DNAJB6: variants seen among roughly 807,000 people sequenced by gnomAD.
DNAJB6 encodes the protein dnaJ homolog subfamily B member 6.
Under a neutral mutation model 42.7 loss-of-function variants are expected in DNAJB6, and 16 were observed. The ratio of observed to expected loss-of-function variants is 0.37; its 90% CI spans 0.25 to 0.57. The LOEUF (loss-of-function observed/expected upper bound fraction) is 0.57, where lower values mean the gene tolerates loss of function less well. Ranked by LOEUF, DNAJB6 falls within the 20% of genes least tolerant of loss-of-function variation. The pLI is 0.74. For synonymous variants in DNAJB6, 170 were observed against 163.5 expected, an observed-to-expected ratio of 1.04 and a Z score of -0.30; for missense variants, 347 against 416.8, an observed-to-expected ratio of 0.83 and a Z score of 1.46.
At chr7:157,391,641 C>T (rs1801346910) in intron 8 of DNAJB6, among the ~76,000 whole-genome samples, 1 of 152,206 alleles carries the variant, frequency 6.6e-6, no homozygotes, top group South Asian at 2.1e-4. Context: ...GGTGGCAGCA[C>T]CCACTGGGTC....
intron 1 of DNAJB6, among the ~76,000 whole-genome samples, chr7:157,340,998 G>GCGCT (rs1554450094): frequency 0.017 from 2,324 of 134,998 alleles, 57 homozygotes; most frequent in East Asian, 0.046. Context: ...GTGTGTGTGT[G>GCGCT]CGCGCGCGCA....
intron 5 of DNAJB6, chr7:157,369,015 AC>A (rs1430837656): frequency 6.7e-5 from 24 of 356,228 alleles, no homozygotes; most frequent in Middle Eastern, 1.0e-3. Context: ...GGTTGTTCTT[AC>A]ACCTTATTAT....
In DNAJB6 at chr7:157,409,787, G is replaced by T; in HGVS notation, c.692-8G>T. 1 of 1,522,186 alleles carries T rather than the reference G, an allele frequency of 6.6e-7. No homozygotes were observed. The allele number at this position is 1,522,186 out of a possible 1,614,324, so 94.3% of individuals were successfully genotyped here. A position where few individuals can be genotyped will look rare whatever the true frequency, so the allele number is the denominator to read the frequency against. Reference sequence around the variant, plus strand: ...CTCACGGCTCTCTCTCTCCCGCTGTGCCTGCAGGTGTGGCCGACGACGATG... The same window carrying T: ...CTCACGGCTCTCTCTCTCCCGCTGTTCCTGCAGGTGTGGCCGACGACGATG... On this transcript the variant is annotated splice_region_variant and splice_polypyrimidine_tract_variant and intron_variant, in intron 8 of 9. Transcript: ENST00000262177.
chr7:157,409,967 A>G lies in DNAJB6; in HGVS notation c.864A>G (p.Ala288=). The G allele has an allele frequency of 6.5e-7, 1 of 1,535,220 alleles. No individual in the cohort carries two copies. Among genetic ancestry groups the G allele is most frequent in the African/African-American group, 1.4e-5 (1 of 73,104 alleles). Residue 288 remains alanine (A), a synonymous_variant, in exon 9 of 10, where the codon GCA becomes GCG. Transcript: ENST00000262177. ...AGGGCGAGCAGGACCGACCTCGGGC[A>G]CCCGGGCCCTGGGACCCCCTCGCGT... The part of the protein sequence containing the change: ...EEEGEQDRPR[A]PGPWDPLASA...
Position 157,359,910 on chromosome 7 carries a change from G to T in DNAJB6, c.65+1273G>T, listed in dbSNP as rs115207426. Among the ~76,000 whole-genome samples the T allele has an allele frequency of 3.3e-3, 496 of 152,314 alleles. 3 individuals carry two copies. Among genetic ancestry groups the T allele is most frequent in the African/African-American group, 0.011 (477 of 41,576 alleles). ...AGTAGAAGCAGTCTACTGAGGAGAG[G>T]TCAGGCAGGCCCTGATGCTGTCACT... is the stretch of plus-strand genomic sequence containing the variant. On this transcript the variant is annotated intron_variant, in intron 2 of 9. Coordinates refer to ENST00000262177, the MANE Select transcript of DNAJB6 (RefSeq NM_058246.4).
At chr7:157,373,320 A>G (rs1800311286) in intron 5 of DNAJB6, among the ~76,000 whole-genome samples, 2 of 152,174 alleles carry the variant, frequency 1.3e-5, no homozygotes, top group African/African-American at 4.8e-5. Context: ...TGAAAGGTGA[A>G]AGGAGGAGGA....
At chr7:157,358,243 C>T (rs560220516) in intron 1 of DNAJB6, among the ~76,000 whole-genome samples, 50 of 152,326 alleles carry the variant, frequency 3.3e-4, no homozygotes, top group African/African-American at 1.2e-3. Context: ...ACTTTGTCAG[C>T]TAGTGGTCAA....
At chr7:157,369,343 C>T in intron 5 of DNAJB6, 2 of 456,708 alleles carry the variant, frequency 4.4e-6, no homozygotes, top group Non-Finnish European at 4.4e-6. Context: ...CAGCAAACTG[C>T]ATTTGTTGCT....
At chr7:157,373,665 T>G (rs1170028917) in intron 5 of DNAJB6, among the ~76,000 whole-genome samples, 1 of 152,144 alleles carries the variant, frequency 6.6e-6, no homozygotes, top group Non-Finnish European at 1.5e-5. Context: ...TTAGATGTGT[T>G]AATGAGAGCT....
intron 1 of DNAJB6, among the ~76,000 whole-genome samples, chr7:157,347,229 G>A (rs927299248): frequency 7.2e-5 from 11 of 152,124 alleles, no homozygotes; most frequent in African/African-American, 2.4e-4. Flanking sequence ...AGTCTTACTG[G>A]CATTTGATGA....
chr7:157,371,787 G>A (rs1242155982), intron 5 of DNAJB6, among the ~76,000 whole-genome samples: 4 of 152,232 alleles, frequency 2.6e-5, no homozygotes, highest in Admixed American at 6.5e-5. Flanking sequence ...GATGTTCTGA[G>A]ATAGGAAAGA....
At chr7:157,383,294 C>A (rs1471570653) in intron 6 of DNAJB6, among the ~76,000 whole-genome samples, 1 of 152,226 alleles carries the variant, frequency 6.6e-6, no homozygotes, top group Non-Finnish European at 1.5e-5. Flanking sequence ...GCATGAGCCA[C>A]CACTCCTGGC....
intron 9 of DNAJB6, chr7:157,415,342 G>A (rs1177288969): frequency 6.6e-6 from 1 of 152,342 alleles, no homozygotes; most frequent in Admixed American, 6.5e-5. Context: ...ATCAGTCAGT[G>A]TCAGCCATTG....
intron 1 of DNAJB6, among the ~76,000 whole-genome samples, chr7:157,354,139 TTTTG>T (rs1299949084): frequency 6.6e-6 from 1 of 152,148 alleles, no homozygotes; most frequent in Non-Finnish European, 1.5e-5. Context: ...ATTTATTCAT[TTTTG>T]TTTGTTTTTT....
chr7:157,392,695 G>T (rs1418463237), intron 8 of DNAJB6, among the ~76,000 whole-genome samples: 1 of 152,186 alleles, frequency 6.6e-6, no homozygotes. Context: ...TCAAATGAAA[G>T]GTGCAGTCAG....
At chr7:157,411,105 A>C (rs573182882) in intron 9 of DNAJB6, 5 of 152,356 alleles carry the variant, frequency 3.3e-5, no homozygotes, top group African/African-American at 1.2e-4. Flanking sequence ...TGAGTGACAG[A>C]CAGAGGCAGT....
chr7:157,386,891 A>G lies in DNAJB6; in HGVS notation c.691+1280A>G, dbSNP rs1186686653. Among the ~76,000 whole-genome samples the G allele has an allele frequency of 5.9e-5, 9 of 152,044 alleles. No homozygotes were observed. In the East Asian group the frequency reaches 1.7e-3, roughly 29 times the overall value. On this transcript the variant is annotated intron_variant, in intron 8 of 9. Coordinates refer to ENST00000262177, the MANE Select transcript of DNAJB6 (RefSeq NM_058246.4). ...AGAGCAAGCCTTCATCTCAAAAAAA[A>G]AAAAAAATCACTTTGGGACAGTCAA...
chr7:157,388,550 T>G (rs967745529), intron 8 of DNAJB6, among the ~76,000 whole-genome samples: 3 of 152,132 alleles, frequency 2.0e-5, no homozygotes, highest in South Asian at 2.1e-4. Flanking sequence ...TCTGCTGTGT[T>G]TGGTTTGTGC....
chr7:157,397,036 GATGC>G (rs904750652), intron 8 of DNAJB6, among the ~76,000 whole-genome samples: 23 of 152,312 alleles, frequency 1.5e-4, no homozygotes, highest in Admixed American at 1.2e-3. Context: ...TCGGCTGAGG[GATGC>G]TGTCCACACC....
Sources: gnomAD v4.1 joint callset for allele counts (sites outside exome capture counted in the v4.1 genomes callset) on GRCh38, gnomAD v4.1.1 for gene constraint, MANE v1.5 for transcripts, NCBI Gene and HGNC (gene_info 2026-07-23, HGNC 2026-07-21) for gene names.